The following ST3GAL3 variants were observed in gnomAD, a reference collection of about 807,000 sequenced individuals.
ST3GAL3 encodes CMP-N-acetylneuraminate-beta-1,4-galactoside alpha-2,3-sialyltransferase.
ST3GAL3 carries 21 observed loss-of-function variants against 50.1 expected under a neutral mutation model. That is an observed-to-expected ratio of 0.42 (90% CI 0.30 to 0.60). The LOEUF (loss-of-function observed/expected upper bound fraction) is 0.60. ST3GAL3 is among the 20% of genes least tolerant of loss of function. ST3GAL3 has a pLI of 0.19. For synonymous variants in ST3GAL3, 183 were observed against 190.0 expected (o/e 0.96, Z 0.30); for missense variants, 353 against 489.4 (o/e 0.72, Z 2.63).
At chr1:43,845,885 A>G (rs1467971263) in intron 5 of ST3GAL3, among the ~76,000 whole-genome samples, 1 of 152,020 alleles carries the variant, frequency 6.6e-6, no homozygotes, top group Admixed American at 6.5e-5. Context: ...CGTGATTTCT[A>G]CTTCGGCCTA....
intron 9 of ST3GAL3, among the ~76,000 whole-genome samples, chr1:43,903,623 A>G (rs1258008654): frequency 2.0e-5 from 3 of 152,176 alleles, no homozygotes; most frequent in African/African-American, 7.2e-5. Flanking sequence ...GACAGCCTTG[A>G]CACAGCACTT....
chr1:43,842,397 A>G (rs1307818892), intron 5 of ST3GAL3: 2 of 152,096 alleles, frequency 1.3e-5, no homozygotes, highest in Non-Finnish European at 2.9e-5. Flanking sequence ...GCCTTCTGCC[A>G]TGATTGTAAG....
chr1:43,840,973 A>C (rs1295439725), intron 5 of ST3GAL3: 4 of 152,296 alleles, frequency 2.6e-5, no homozygotes, highest in Non-Finnish European at 5.9e-5. Flanking sequence ...TATACGCCCC[A>C]TGCAAGTTTG....
chr1:43,836,382 C>T (rs1029326053), intron 4 of ST3GAL3, among the ~76,000 whole-genome samples: 1 of 152,186 alleles, frequency 6.6e-6, no homozygotes, highest in Admixed American at 6.5e-5. Context: ...GTGGGGGATG[C>T]TTGAAAATGT....
intron 5 of ST3GAL3, among the ~76,000 whole-genome samples, chr1:43,878,344 C>T (rs193207716): frequency 3.0e-4 from 45 of 152,178 alleles, no homozygotes; most frequent in African/African-American, 1.1e-3. Flanking sequence ...CAATAAACAA[C>T]TAAGAAGTAA....
chr1:43,891,842 A>T (rs1264836779), intron 5 of ST3GAL3, among the ~76,000 whole-genome samples: 2 of 152,202 alleles, frequency 1.3e-5, no homozygotes, highest in African/African-American at 4.8e-5. Flanking sequence ...GCATCTCCTA[A>T]AGAAAGGATG....
At position 43,761,309 on chromosome 1, in the gene ST3GAL3, A is replaced by ATT. The variant is rs111636074; in HGVS notation, c.118+24941_118+24942dup. Among the ~76,000 whole-genome samples, 36 of 147,496 alleles carry ATT rather than the reference A, an allele frequency of 2.4e-4. No individual in the cohort carries two copies. The South Asian group carries it at 2.6e-3, about 11-fold the overall frequency. ...AATTTAAGTAGCTAACTGTAAAAAG[A>ATT]TTTTTTTTTTTTTAGATAATTGTGG... On this transcript the variant is annotated intron_variant, in intron 2 of 11. Coordinates refer to ENST00000347631, the MANE Select transcript of ST3GAL3 (RefSeq NM_006279.5).
At chr1:43,808,483 A>G (rs1292870840) in intron 3 of ST3GAL3, among the ~76,000 whole-genome samples, 2 of 152,198 alleles carry the variant, frequency 1.3e-5, no homozygotes, top group East Asian at 1.9e-4. Context: ...AACAGAAAAA[A>G]AAATATGGAA....
intron 3 of ST3GAL3, among the ~76,000 whole-genome samples, chr1:43,812,283 T>C (rs2060648770): frequency 6.6e-6 from 1 of 152,162 alleles, no homozygotes; most frequent in Non-Finnish European, 1.5e-5. Flanking sequence ...GGGGCCTGCG[T>C]TGCTGCCTGG....
intron 5 of ST3GAL3, among the ~76,000 whole-genome samples, chr1:43,867,184 C>T (rs577040535): frequency 6.6e-6 from 1 of 152,192 alleles, no homozygotes; most frequent in Admixed American, 6.5e-5. Context: ...ATGAGAATAG[C>T]GCAGGAAAGA....
intron 4 of ST3GAL3, among the ~76,000 whole-genome samples, chr1:43,817,410 TCTC>T (rs1249782955): frequency 5.4e-5 from 2 of 37,186 alleles, no homozygotes; most frequent in African/African-American, 4.6e-4. Flanking sequence ...TTCTCCTTCT[TCTC>T]CTCCTTCTCC....
intron 11 of ST3GAL3, among the ~76,000 whole-genome samples, chr1:43,923,384 T>C (rs2083389761): frequency 6.6e-6 from 1 of 152,294 alleles, no homozygotes; most frequent in African/African-American, 2.4e-5. Flanking sequence ...ACCTATATTG[T>C]ATCAGGCTTT....
intron 5 of ST3GAL3, among the ~76,000 whole-genome samples, chr1:43,871,391 G>A (rs1043458737): frequency 6.6e-6 from 1 of 152,108 alleles, no homozygotes; most frequent in East Asian, 1.9e-4. Context: ...GGTGAGGACT[G>A]TTGGACCTGT....
rs202015901 is a variant in ST3GAL3 at position 43,715,264 on chromosome 1, CA to C, written c.-31+7581del. Among the ~76,000 whole-genome samples, 693 of 146,632 alleles carry C rather than the reference CA, an allele frequency of 4.7e-3. 2 individuals carry two copies. Among genetic ancestry groups the C allele is most frequent in the Middle Eastern group, 0.014 (4 of 286 alleles). ...TTAATGTTTTAAAAATCACTGAGTA[CA>C]AAAAAAAAATGATAAAAAATGTTCA... is the stretch of plus-strand genomic sequence containing the variant. On this transcript the variant is annotated intron_variant, in intron 1 of 11. Transcript: ENST00000347631.
intron 6 of ST3GAL3, among the ~76,000 whole-genome samples, chr1:43,895,837 A>T (rs1481322791): frequency 6.6e-6 from 1 of 152,176 alleles, no homozygotes; most frequent in Non-Finnish European, 1.5e-5. Context: ...CTCAGATGGG[A>T]TAGCTACAAA....
intron 1 of ST3GAL3, among the ~76,000 whole-genome samples, chr1:43,725,002 T>G (rs561361900): frequency 6.6e-6 from 1 of 152,288 alleles, no homozygotes; most frequent in Non-Finnish European, 1.5e-5. Context: ...CCTGAGTTTC[T>G]GTGTTTCGGT....
At chr1:43,928,841 A>C (rs1327928122) in intron 11 of ST3GAL3, among the ~76,000 whole-genome samples, 1 of 151,266 alleles carries the variant, frequency 6.6e-6, no homozygotes, top group East Asian at 2.0e-4. Context: ...CCTGGGAGGC[A>C]GAGGTTGCAG....
At chr1:43,920,165 ATCC>A (rs1448147066) in intron 9 of ST3GAL3, 4 of 568,182 alleles carry the variant, frequency 7.0e-6, no homozygotes, top group Admixed American at 2.9e-5. Flanking sequence ...CTCCCTTCGT[ATCC>A]TCCTCTGTTA....
chr1:43,717,868 T>C (rs1299162481), intron 1 of ST3GAL3, among the ~76,000 whole-genome samples: 2 of 151,416 alleles, frequency 1.3e-5, no homozygotes, highest in African/African-American at 4.9e-5. Context: ...ATACCTATCA[T>C]GAATTTTTTT....
Sources: allele counts gnomAD v4.1 joint callset (sites outside exome capture counted in the v4.1 genomes callset), GRCh38; gene constraint gnomAD v4.1.1; transcripts MANE v1.5; gene names NCBI Gene and HGNC (gene_info 2026-07-23, HGNC 2026-07-21).